The following AMER1 variants were observed in gnomAD, a reference collection of about 807,000 sequenced individuals.
AMER1 encodes the protein RP11-403E24.2.
A neutral mutation model predicts 53.0 loss-of-function variants in AMER1; 16 were observed. That is an observed-to-expected ratio of 0.30 (90% CI 0.20 to 0.46). The LOEUF is 0.46. Ranked by LOEUF, AMER1 falls within the 20% of genes least tolerant of loss-of-function variation. The probability of loss-of-function intolerance (pLI) is 1.00; values close to 1 mark genes in which losing one functional copy is unlikely to be tolerated. For missense variants in AMER1, 947 were observed against 884.9 expected (o/e 1.07, Z -0.89); for synonymous variants, 354 against 331.9 (o/e 1.07, Z -0.73).
chrX:64,188,492 C>A lies in AMER1; in HGVS notation c.*1387G>T. The A allele has an allele frequency of 1.2e-6, 1 of 804,401 alleles. No homozygotes were observed. Among genetic ancestry groups the A allele is most frequent in the Non-Finnish European group, 1.5e-6 (1 of 670,138 alleles). The allele number at this position is 804,401 out of a possible 1,213,427, so 66.3% of individuals were successfully genotyped here. A position where few individuals can be genotyped will look rare whatever the true frequency, so the allele number is the denominator to read the frequency against. ...TTCATTCCATAAAGGGCTGCAACTG[C>A]CAAGAAGCCCTGTCATTTGATGATG... On this transcript the variant is annotated 3_prime_UTR_variant, in exon 2 of 2. Transcript: ENST00000374869.
rs1930252730 is a variant in AMER1 at position 64,191,837 on chromosome X, C to A, written c.1450G>T (p.Gly484Cys). 10 of 1,211,868 alleles carry A rather than the reference C, an allele frequency of 8.3e-6. No individual in the cohort carries two copies. The highest frequency in any genetic ancestry group is 8.9e-6 in the Non-Finnish European group (8 of 895,598). Residue 484 changes from glycine to cysteine, a missense_variant, in exon 2 of 2, where the codon GGT becomes TGT. Transcript: ENST00000374869. ...STTPGFEDDS[G>C]EALGLVRRDC... Reference sequence around the variant, plus strand: ...CTGCGGACAAGCCCCAGGGCCTCACCTGAATCATCCTCAAATCCAGGTGTG... The same window carrying A: ...CTGCGGACAAGCCCCAGGGCCTCACATGAATCATCCTCAAATCCAGGTGTG...
chrX:64,189,792 A>AGCGGGGCCCCCCCCCCCCCCCCCCCCC lies in AMER1; in HGVS notation c.*86_*87insGGGGGGGGGGGGGGGGGGGGGCCCCGC. On this transcript the variant is annotated 3_prime_UTR_variant, in exon 2 of 2. Transcript: ENST00000374869. ...CCAAAGGGTTTTCAAGTTAAACAAC[A>AGCGGGGCCCCCCCCCCCCCCCCCCCCC]ACCCCCACCCCCCCACCCTTCTGCC... 1.3e-6 allele frequency: 1 copy of AGCGGGGCCCCCCCCCCCCCCCCCCCCC among 746,979 alleles called. No homozygotes were observed. The highest frequency in any genetic ancestry group is 1.7e-6 in the Non-Finnish European group (1 of 590,434). 61.6% of individuals were successfully genotyped at this position (746,979 alleles called of 1,213,427 possible).
Position 64,192,511 on chromosome X carries a change from T to A in AMER1, c.776A>T (p.Glu259Val), listed in dbSNP as rs1404713868. ...TGAGGCACAGGCCTCCATGGGTTTTTCTGGATCTTTACAGGCCATTTTCTC... is the reference window on the plus strand; with the variant it reads ...TGAGGCACAGGCCTCCATGGGTTTTACTGGATCTTTACAGGCCATTTTCTC... The part of the protein sequence containing the change: ...ATEKMACKDP[E>V]KPMEACASAH... Residue 259 changes from glutamate to valine, a missense_variant, in exon 2 of 2, where the codon GAA becomes GTA. Glu to Val is a moderately radical substitution (Grantham distance 121, BLOSUM62 -2). Coordinates refer to ENST00000374869, the MANE Select transcript of AMER1 (RefSeq NM_152424.4). 8.3e-7 allele frequency: 1 copy of A among 1,205,666 alleles called. No individual in the cohort carries two copies. The highest frequency in any genetic ancestry group is 2.2e-5 in the Admixed American group (1 of 44,980).
Position 64,199,597 on chromosome X carries a change from C to A in AMER1, c.-99+5973G>T, listed in dbSNP as rs1309987255. Among the ~76,000 whole-genome samples, 7 of 111,484 alleles carry A rather than the reference C, an allele frequency of 6.3e-5. No homozygotes were observed. In the East Asian group the frequency reaches 1.7e-3, roughly 27 times the overall value. On this transcript the variant is annotated intron_variant, in intron 1 of 1. Coordinates refer to ENST00000374869, the MANE Select transcript of AMER1 (RefSeq NM_152424.4). ...TCAATAAAGGGCTCTTGTGATGAGG[C>A]CACTTGTAGGCACCTTTTCCTCTCC...
chrX:64,195,399 G>A (rs961761582), intron 1 of AMER1, among the ~76,000 whole-genome samples: 1 of 112,215 alleles, frequency 8.9e-6, no homozygotes, highest in African/African-American at 3.2e-5. Flanking sequence ...CTTCAGGGCA[G>A]GACAAGAAGG....
Position 64,189,398 on chromosome X carries a change from G to T in AMER1, c.*481C>A, listed in dbSNP as rs1412128084. 1 of 775,251 alleles carries T rather than the reference G, an allele frequency of 1.3e-6. No homozygotes were observed. Among genetic ancestry groups the T allele is most frequent in the Non-Finnish European group, 1.5e-6 (1 of 654,486 alleles). 63.9% of individuals were successfully genotyped at this position (775,251 alleles called of 1,213,427 possible). ...GGTTCATCATTCATTGGGGGAAAGG[G>T]GCAGGGGGCACTAAAGGTTTAGCCT... is the stretch of plus-strand genomic sequence containing the variant. On this transcript the variant is annotated 3_prime_UTR_variant, in exon 2 of 2. Transcript: ENST00000374869.
rs773684332 is a variant in AMER1, at chrX:64,191,395, C to T, written c.1892G>A (p.Arg631Gln). 9 of 1,211,845 alleles carry T rather than the reference C, an allele frequency of 7.4e-6. No homozygotes were observed. The highest frequency in any genetic ancestry group is 3.0e-5 in the East Asian group (1 of 33,802). The change falls in exon 2 of 2, where the codon CGA becomes CAA. Residue 631 changes from arginine to glutamine, a missense_variant. Transcript: ENST00000374869. ...TTGAGTCTCTCTACAACGAACCTCTCGGGCCTGGGCTTCTCGGGTTCTGGC... is the reference window on the plus strand; with the variant it reads ...TTGAGTCTCTCTACAACGAACCTCTTGGGCCTGGGCTTCTCGGGTTCTGGC... ...REARTREAQA[R>Q]EVRCRETQVR...
Position 64,185,906 on chromosome X carries a change from C to T in AMER1, c.*3973G>A. The stretch of plus-strand genomic sequence containing the variant: ...CATGGTTGAAACCCCCTTCCTTCCC[C>T]ATTGGGTGGAGAATGTTCCCAAAAT... On this transcript the variant is annotated 3_prime_UTR_variant, in exon 2 of 2. Transcript: ENST00000374869. The T allele has an allele frequency of 2.7e-6, 1 of 369,564 alleles. No individual in the cohort carries two copies. The highest frequency in any genetic ancestry group is 4.3e-5 in the East Asian group (1 of 23,415). 30.5% of individuals were successfully genotyped at this position (369,564 alleles called of 1,213,427 possible).
rs2147089389 is a variant in AMER1, at chrX:64,192,340, A to G, written c.947T>C (p.Val316Ala). 8.2e-7 allele frequency: 1 copy of G among 1,212,289 alleles called. No individual in the cohort carries two copies. Among genetic ancestry groups the G allele is most frequent in the African/African-American group, 1.7e-5 (1 of 57,950 alleles). ...TGAATCAAAGCTTTTCAGGGATGTC[A>G]CATCCCCAAACAAGAGGCTCAGTGG... ...GDPLSLLFGDVTSLKSFDSLT... is the reference protein window; with the variant it reads ...GDPLSLLFGDATSLKSFDSLT... Residue 316 changes from valine to alanine, a missense_variant, in exon 2 of 2, where the codon GTG becomes GCG. Transcript: ENST00000374869.
Position 64,186,495 on chromosome X carries a change from C to T in AMER1, c.*3384G>A. 3 of 784,778 alleles carry T rather than the reference C, an allele frequency of 3.8e-6. No homozygotes were observed. Among genetic ancestry groups the T allele is most frequent in the Non-Finnish European group, 4.6e-6 (3 of 658,235 alleles). 64.7% of individuals were successfully genotyped at this position (784,778 alleles called of 1,213,427 possible). ...ATACACATGGGTAAACTTGAAGTCTCCCTGCTAAACCCCATGCCTCCCTCT... is the reference window on the plus strand; with the variant it reads ...ATACACATGGGTAAACTTGAAGTCTTCCTGCTAAACCCCATGCCTCCCTCT... On this transcript the variant is annotated 3_prime_UTR_variant, in exon 2 of 2. Transcript: ENST00000374869.
rs1930106371 is a variant in AMER1 at position 64,186,265 on chromosome X, A to G, written c.*3614T>C. ...AGAGGGAGGGCCCTAGGCAGTTGAG[A>G]TGCCAGCCCTCTGCACAAGCAGCAG... On this transcript the variant is annotated 3_prime_UTR_variant, in exon 2 of 2. Coordinates refer to ENST00000374869, the MANE Select transcript of AMER1 (RefSeq NM_152424.4). The G allele has an allele frequency of 2.7e-6, 3 of 1,104,633 alleles. No individual in the cohort carries two copies. The highest frequency in any genetic ancestry group is 3.6e-6 in the Non-Finnish European group (3 of 836,837). The allele number at this position is 1,104,633 out of a possible 1,213,427, so 91.0% of individuals were successfully genotyped here.
rs2147088244 is a variant in AMER1 at position 64,191,818 on chromosome X, A to T, written c.1469T>A (p.Val490Asp). The change falls in exon 2 of 2, where the codon GTC (valine) becomes GAC (aspartate). Residue 490 changes from valine to aspartate, a missense_variant. By Grantham distance (152) the Val-to-Asp change is radical. Coordinates refer to ENST00000374869, the MANE Select transcript of AMER1 (RefSeq NM_152424.4). Reference protein sequence around the residue: ...EDDSGEALGLVRRDCLPRDSY... With the variant: ...EDDSGEALGLDRRDCLPRDSY... The stretch of plus-strand genomic sequence containing the variant: ...GTCTCGGGGTAGACAATCCCTGCGG[A>T]CAAGCCCCAGGGCCTCACCTGAATC... The T allele has an allele frequency of 8.3e-7, 1 of 1,211,823 alleles. No homozygotes were observed. The highest frequency in any genetic ancestry group is 1.1e-6 in the Non-Finnish European group (1 of 895,507).
chrX:64,202,695 C>G (rs1930514186), intron 1 of AMER1, among the ~76,000 whole-genome samples: 2 of 111,892 alleles, frequency 1.8e-5, no homozygotes, highest in Admixed American at 9.4e-5. Flanking sequence ...CTGCCCGCAG[C>G]TCTACTTCCA....
chrX:64,190,079 TG>T lies in AMER1; in HGVS notation c.3207del (p.Ser1070AlafsTer60), dbSNP rs773261453. 8.3e-7 allele frequency: 1 copy of T among 1,205,023 alleles called. No individual in the cohort carries two copies. The highest frequency in any genetic ancestry group is 1.7e-5 in the African/African-American group (1 of 57,641). The part of the protein sequence containing the change: ...SCSSSSGGFS[P>X]SPLPQAKPVG... ...ACAGGCTTGGCCTGTGGTAGAGGGC[TG>T]GGGCTGAAGCCTCCAGAACTGGAAG... On this transcript the variant is annotated frameshift_variant, in exon 2 of 2. Transcript: ENST00000374869. LOFTEE classifies it high-confidence loss of function.
chrX:64,186,441 A>T lies in AMER1; in HGVS notation c.*3438T>A. ...TAATTGACTTTTGATATATATATATATATATATTAAAAACAACTTGAATGC... is the reference window on the plus strand; with the variant it reads ...TAATTGACTTTTGATATATATATATTTATATATTAAAAACAACTTGAATGC... On this transcript the variant is annotated 3_prime_UTR_variant, in exon 2 of 2. Coordinates refer to ENST00000374869, the MANE Select transcript of AMER1 (RefSeq NM_152424.4). 3 of 709,428 alleles carry T rather than the reference A, an allele frequency of 4.2e-6. No homozygotes were observed. The highest frequency in any genetic ancestry group is 5.1e-6 in the Non-Finnish European group (3 of 584,314). 58.5% of individuals were successfully genotyped at this position (709,428 alleles called of 1,213,427 possible).
At position 64,189,771 on chromosome X, in the gene AMER1, A is replaced by C; in HGVS notation, c.*108T>G. 8.9e-7 allele frequency: 1 copy of C among 1,121,746 alleles called. No individual in the cohort carries two copies. 92.4% of individuals were successfully genotyped at this position (1,121,746 alleles called of 1,213,427 possible). On this transcript the variant is annotated 3_prime_UTR_variant, in exon 2 of 2. Transcript: ENST00000374869. Reference sequence around the variant, plus strand: ...CTCACAGGAGTTTTCCTTGGCCCAAAGGGTTTTCAAGTTAAACAACAACCC... The same window carrying C: ...CTCACAGGAGTTTTCCTTGGCCCAACGGGTTTTCAAGTTAAACAACAACCC...
rs1264495357 is a variant in AMER1 at position 64,188,617 on chromosome X, C to T, written c.*1262G>A. ...CTGTCTTGGGAGTGCAAACCTGGGGCCTTATTACAGAGTCCAAATGATGGG... is the reference window on the plus strand; with the variant it reads ...CTGTCTTGGGAGTGCAAACCTGGGGTCTTATTACAGAGTCCAAATGATGGG... On this transcript the variant is annotated 3_prime_UTR_variant, in exon 2 of 2. Coordinates refer to ENST00000374869, the MANE Select transcript of AMER1 (RefSeq NM_152424.4). 1 of 801,616 alleles carries T rather than the reference C, an allele frequency of 1.2e-6. No homozygotes were observed. The highest frequency in any genetic ancestry group is 2.2e-5 in the African/African-American group (1 of 45,923). The allele number at this position is 801,616 out of a possible 1,213,427, so 66.1% of individuals were successfully genotyped here.
chrX:64,203,145 T>C (rs960112623), intron 1 of AMER1, among the ~76,000 whole-genome samples: 3 of 112,379 alleles, frequency 2.7e-5, no homozygotes, highest in Admixed American at 9.4e-5. Context: ...TCTTGGCTCA[T>C]GAATCAGCAA....
intron 1 of AMER1, among the ~76,000 whole-genome samples, chrX:64,201,143 T>A (rs1002666695): frequency 9.0e-6 from 1 of 111,234 alleles, no homozygotes; most frequent in South Asian, 3.8e-4. Flanking sequence ...TCAGGTCATT[T>A]TCTCCATTGT....
Sources: allele counts gnomAD v4.1 joint callset (sites outside exome capture counted in the v4.1 genomes callset), GRCh38; gene constraint gnomAD v4.1.1; transcripts MANE v1.5; gene names NCBI Gene and HGNC (gene_info 2026-07-23, HGNC 2026-07-21).